Variants in LRR1 observed in about 807,000 individuals in gnomAD.
The protein encoded by LRR1 is leucine rich repeat protein 1.
In LRR1, 29 loss-of-function variants were observed where a neutral mutation model predicts 31.6. That is an observed-to-expected ratio of 0.92 (90% confidence interval 0.68 to 1.25). The LOEUF (loss-of-function observed/expected upper bound fraction) is 1.25, where lower values mean the gene tolerates loss of function less well. Ranked by LOEUF, LRR1 falls within the 50% of genes most tolerant of loss-of-function variation. The probability of loss-of-function intolerance (pLI) is 0.00; values close to 1 mark genes in which losing one functional copy is unlikely to be tolerated. For missense variants in LRR1, 485 were observed against 487.2 expected, an observed-to-expected ratio of 1.00 and a Z score of 0.04; for synonymous variants, 179 against 181.4, an observed-to-expected ratio of 0.99 and a Z score of 0.10.
At chr14:49,612,408 G>T in intron 3 of LRR1, 1 of 1,106,846 alleles carries the variant, frequency 9.0e-7, no homozygotes, top group Non-Finnish European at 1.1e-6. Flanking sequence ...GAAAATATGT[G>T]GGAATTTAAG....
intron 3 of LRR1, among the ~76,000 whole-genome samples, chr14:49,609,998 C>G (rs909161894): frequency 6.6e-6 from 1 of 151,864 alleles, no homozygotes; most frequent in Non-Finnish European, 1.5e-5. Flanking sequence ...GTGAGCCTCT[C>G]AAAGTGCTGG....
At chr14:49,605,255 T>C (rs1882237181) in intron 2 of LRR1, among the ~76,000 whole-genome samples, 1 of 152,212 alleles carries the variant, frequency 6.6e-6, no homozygotes, top group Non-Finnish European at 1.5e-5. Flanking sequence ...GTTCGATAAC[T>C]AAGGAGTTTG....
chr14:49,604,475 G>A (rs922392807), intron 2 of LRR1, among the ~76,000 whole-genome samples: 10 of 152,092 alleles, frequency 6.6e-5, no homozygotes, highest in African/African-American at 2.4e-4. Flanking sequence ...CTAGTTGGGC[G>A]GATTGCTTGA....
intron 2 of LRR1, among the ~76,000 whole-genome samples, chr14:49,603,340 T>A (rs1258946372): frequency 6.6e-6 from 1 of 152,166 alleles, no homozygotes; most frequent in African/African-American, 2.4e-5. Context: ...TGGGTTTGCT[T>A]CTGTGCTCAA....
Position 49,602,476 on chromosome 14 carries a change from A to G in LRR1, c.282+8A>G. 6.3e-7 allele frequency: 1 copy of G among 1,583,516 alleles called. No homozygotes were observed. The highest frequency in any genetic ancestry group is 1.7e-5 in the Admixed American group (1 of 58,966). Reference sequence around the variant, plus strand: ...GATATCTGTCTAAGTAAGGTATGGTATTAAAAACATTAATGATTAATATTT... The same window carrying G: ...GATATCTGTCTAAGTAAGGTATGGTGTTAAAAACATTAATGATTAATATTT... On this transcript the variant is annotated splice_region_variant and intron_variant, in intron 2 of 3. Coordinates refer to ENST00000298288, the MANE Select transcript of LRR1 (RefSeq NM_152329.4).
chr14:49,602,294 C>T, intron 1 of LRR1, 76 bp from the exon 2 acceptor site: 1 of 1,278,164 alleles, frequency 7.8e-7, no homozygotes, highest in Non-Finnish European at 1.1e-6. Context: ...AAGTAACTGG[C>T]ACATTCTAGT....
intron 3 of LRR1, among the ~76,000 whole-genome samples, chr14:49,612,854 G>A (rs2139555164): frequency 6.6e-6 from 1 of 152,264 alleles, no homozygotes; most frequent in Admixed American, 6.5e-5. Context: ...GGTTTGGGCA[G>A]TGGGCAGGCA....
chr14:49,612,060 A>T (rs1008813314), intron 3 of LRR1, among the ~76,000 whole-genome samples: 1 of 152,272 alleles, frequency 6.6e-6, no homozygotes, highest in Non-Finnish European at 1.5e-5. Context: ...AGGTGAAAAC[A>T]TGCTGAAGTC....
intron 3 of LRR1, chr14:49,612,465 A>G (rs1210037909): frequency 1.6e-6 from 2 of 1,222,212 alleles, no homozygotes; most frequent in Non-Finnish European, 2.1e-6. Flanking sequence ...CTGTTTCCTC[A>G]ATCTAGAACC....
At chr14:49,601,452 AT>A (rs1390900358) in intron 1 of LRR1, 49 of 547,924 alleles carry the variant, frequency 8.9e-5, no homozygotes, top group Middle Eastern at 5.6e-4. Context: ...GCAATCATTA[AT>A]TTTTTTTAAA....
At chr14:49,602,193 A>G (rs1882087711) in intron 1 of LRR1, among the ~76,000 whole-genome samples, 177 bp from the exon 2 acceptor site, 1 of 115,850 alleles carries the variant, frequency 8.6e-6, no homozygotes, top group South Asian at 2.8e-4. Flanking sequence ...TCTGTTGCCC[A>G]GCCTGGAGTG....
intron 3 of LRR1, among the ~76,000 whole-genome samples, chr14:49,614,033 T>G (rs1423763241): frequency 6.6e-6 from 1 of 152,206 alleles, no homozygotes; most frequent in Admixed American, 6.5e-5. Flanking sequence ...GGTGACTTTT[T>G]CATTCCATTT....
intron 1 of LRR1, among the ~76,000 whole-genome samples, chr14:49,599,519 G>A (rs1881953743): frequency 1.3e-5 from 2 of 152,220 alleles, no homozygotes; most frequent in Non-Finnish European, 2.9e-5. Flanking sequence ...GAAATTTTGC[G>A]TGAAACAAGC....
chr14:49,610,640 G>A (rs1882478722), intron 3 of LRR1, among the ~76,000 whole-genome samples: 1 of 149,694 alleles, frequency 6.7e-6, no homozygotes, highest in Non-Finnish European at 1.5e-5. Flanking sequence ...TCAGCTCACT[G>A]CAACCTCTGC....
chr14:49,602,666 A>G (rs749823398), intron 2 of LRR1, among the ~76,000 whole-genome samples, 198 bp downstream of exon 2: 1 of 152,024 alleles, frequency 6.6e-6, no homozygotes, highest in Non-Finnish European at 1.5e-5. Context: ...AAATTTTTAA[A>G]ATAACTTTTT....
chr14:49,601,328 A>T (rs989366722), intron 1 of LRR1, among the ~76,000 whole-genome samples: 1 of 152,186 alleles, frequency 6.6e-6, no homozygotes, highest in Non-Finnish European at 1.5e-5. Flanking sequence ...CAACTCTTTA[A>T]GTGTAGTTAC....
intron 2 of LRR1, among the ~76,000 whole-genome samples, chr14:49,605,309 T>TC (rs1239696525): frequency 1.3e-5 from 2 of 152,248 alleles, no homozygotes; most frequent in Non-Finnish European, 2.9e-5. Flanking sequence ...TTGTGATTTT[T>TC]CATTTTTTTT....
intron 3 of LRR1, among the ~76,000 whole-genome samples, chr14:49,608,963 C>T (rs1388397804): frequency 8.1e-6 from 1 of 123,088 alleles, no homozygotes; most frequent in Non-Finnish European, 1.6e-5. Flanking sequence ...GGCTGGAGTG[C>T]AGTGGTGCGA....
At chr14:49,610,058 C>G (rs1339370329) in intron 3 of LRR1, among the ~76,000 whole-genome samples, 2 of 151,910 alleles carry the variant, frequency 1.3e-5, no homozygotes, top group African/African-American at 4.8e-5. Flanking sequence ...TCTTTGATTT[C>G]ATTTTCTCAG....
Sources: gnomAD v4.1 joint callset for allele counts (sites outside exome capture counted in the v4.1 genomes callset) on GRCh38, gnomAD v4.1.1 for gene constraint, MANE v1.5 for transcripts, NCBI Gene and HGNC (gene_info 2026-07-23, HGNC 2026-07-21) for gene names.